Variants in AACS observed in about 807,000 individuals in gnomAD.
AACS encodes the protein acetoacetyl-CoA synthetase.
In AACS, 69 loss-of-function variants were observed where a neutral mutation model predicts 83.1. The ratio of observed to expected loss-of-function variants is 0.83; its 90% CI spans 0.68 to 1.01. The LOEUF is 1.01. AACS is among the 50% of genes least tolerant of loss of function. AACS has a pLI of 0.00. For synonymous variants in AACS, 333 were observed against 343.4 expected, an observed-to-expected ratio of 0.97 and a Z score of 0.33; for missense variants, 866 against 882.2, an observed-to-expected ratio of 0.98 and a Z score of 0.23.
chr12:125,085,324 A>C lies in AACS; in HGVS notation c.359-1006A>C, dbSNP rs1387472689. ...ATCCACGTCTGTTTCCTGGAACCACACACGTGCACATTGCATCCATGTCTA... is the reference window on the plus strand; with the variant it reads ...ATCCACGTCTGTTTCCTGGAACCACCCACGTGCACATTGCATCCATGTCTA... On this transcript the variant is annotated intron_variant, in intron 3 of 17. Coordinates refer to ENST00000316519, the MANE Select transcript of AACS (RefSeq NM_023928.5). Among the ~76,000 whole-genome samples, 6 of 152,082 alleles carry C rather than the reference A, an allele frequency of 3.9e-5. No individual in the cohort carries two copies. The East Asian group carries it at 9.7e-4, about 25-fold the overall frequency.
chr12:125,072,872 G>C (rs1391840494), intron 1 of AACS, among the ~76,000 whole-genome samples: 1 of 150,182 alleles, frequency 6.7e-6, no homozygotes, highest in African/African-American at 2.5e-5. Context: ...ATAAAAGTTA[G>C]ACTGTTGTGG....
intron 5 of AACS, among the ~76,000 whole-genome samples, chr12:125,093,468 C>T (rs1956534908): frequency 1.3e-5 from 2 of 152,250 alleles, no homozygotes; most frequent in Non-Finnish European, 2.9e-5. Context: ...CCGGCAGGAT[C>T]TGCCCATCCT....
At chr12:125,115,487 C>G (rs1417711775) in intron 9 of AACS, among the ~76,000 whole-genome samples, 1 of 152,144 alleles carries the variant, frequency 6.6e-6, no homozygotes, top group Non-Finnish European at 1.5e-5. Flanking sequence ...GTCTTGAACT[C>G]CTGACCTTGT....
Position 125,097,603 on chromosome 12 carries a change from C to T in AACS, c.571-5076C>T, listed in dbSNP as rs1191924920. On this transcript the variant is annotated intron_variant, in intron 5 of 17. Coordinates refer to ENST00000316519, the MANE Select transcript of AACS (RefSeq NM_023928.5). The surrounding 1 kb of genome is among the most constrained non-coding windows in gnomAD (Gnocchi z 4.3). ...GGTCTGCGCCTCCTCCCGTGCCTTC[C>T]GCAGTGGCCAAGGTGTTCAGCTGGA... Among the ~76,000 whole-genome samples, 3 of 152,224 alleles carry T rather than the reference C, an allele frequency of 2.0e-5. No individual in the cohort carries two copies. Among genetic ancestry groups the T allele is most frequent in the East Asian group, 1.9e-4 (1 of 5,178 alleles).
At chr12:125,136,953 G>C in intron 17 of AACS, 89 bp downstream of exon 17, 2 of 1,374,140 alleles carry the variant, frequency 1.5e-6, no homozygotes, top group Non-Finnish European at 2.0e-6. Context: ...GCAGCTTGCC[G>C]GTGCTTTATA....
chr12:125,117,310 A>G (rs2136114770), intron 9 of AACS, among the ~76,000 whole-genome samples: 1 of 151,770 alleles, frequency 6.6e-6, no homozygotes, highest in South Asian at 2.1e-4. Context: ...GCTACTTGGG[A>G]GGCTGGGGTG....
intron 1 of AACS, among the ~76,000 whole-genome samples, chr12:125,067,112 A>C (rs530216837): frequency 6.6e-6 from 1 of 152,276 alleles, no homozygotes; most frequent in South Asian, 2.1e-4. Context: ...TGTTGACCAC[A>C]AAATTGCAGA....
At chr12:125,088,135 C>G (rs1956381618) in intron 4 of AACS, among the ~76,000 whole-genome samples, 1 of 151,820 alleles carries the variant, frequency 6.6e-6, no homozygotes, top group African/African-American at 2.4e-5. Context: ...ACTGCTGTAT[C>G]TTCATAGAGA....
At chr12:125,066,807 C>T (rs1381527713) in intron 1 of AACS, among the ~76,000 whole-genome samples, 1 of 152,078 alleles carries the variant, frequency 6.6e-6, no homozygotes, top group African/African-American at 2.4e-5. Context: ...GGCGCAGGGA[C>T]TCCCTTGTTT....
intron 4 of AACS, among the ~76,000 whole-genome samples, chr12:125,090,447 A>T (rs559381780): frequency 6.6e-6 from 1 of 151,588 alleles, no homozygotes; most frequent in African/African-American, 2.4e-5. Context: ...TCCACCATCC[A>T]TCCAACTATC....
rs897746746 is a variant in AACS at position 125,097,936 on chromosome 12, C to T, written c.571-4743C>T. 2.6e-5 allele frequency among the ~76,000 whole-genome samples: 4 copies of T among 152,242 alleles called. No homozygotes were observed. The highest frequency in any genetic ancestry group is 4.4e-5 in the Non-Finnish European group (3 of 68,046). ...CGGTTCCTCGGTTCCTCTGTGACCC[C>T]GGCTAGGCACTGCCATCTCTCACGC... On this transcript the variant is annotated intron_variant, in intron 5 of 17. Coordinates refer to ENST00000316519, the MANE Select transcript of AACS (RefSeq NM_023928.5). The surrounding 1 kb of genome is among the most constrained non-coding windows in gnomAD (Gnocchi z 4.3).
intron 5 of AACS, among the ~76,000 whole-genome samples, chr12:125,091,809 G>A (rs1305822341): frequency 6.6e-6 from 1 of 152,228 alleles, no homozygotes; most frequent in African/African-American, 2.4e-5. Flanking sequence ...GTCGAGCCCT[G>A]TCTTCCTCAC....
chr12:125,109,585 C>T (rs922865867), intron 8 of AACS, among the ~76,000 whole-genome samples: 28 of 152,218 alleles, frequency 1.8e-4, no homozygotes, highest in African/African-American at 6.5e-4. Context: ...AGAACAGGAG[C>T]GTTCTCTTAC....
intron 3 of AACS, among the ~76,000 whole-genome samples, chr12:125,081,447 T>C (rs1217932069): frequency 6.6e-6 from 1 of 152,228 alleles, no homozygotes; most frequent in African/African-American, 2.4e-5. Flanking sequence ...TTTAAGATCA[T>C]TGTGCTTCGT....
Position 125,065,488 on chromosome 12 carries a change from G to T in AACS, c.-97G>T, listed in dbSNP as rs1399413238. ...CTGACCCAGCCCGCCAGGCGCTCCT[G>T]ACCGTCGCTTCCTCCGGTCCCAGGT... On this transcript the variant is annotated 5_prime_UTR_variant, in exon 1 of 18. Transcript: ENST00000316519. The T allele has an allele frequency of 2.3e-6, 3 of 1,297,066 alleles. No homozygotes were observed. The highest frequency in any genetic ancestry group is 3.0e-6 in the Non-Finnish European group (3 of 1,003,658). 80.3% of individuals were successfully genotyped at this position (1,297,066 alleles called of 1,614,324 possible).
chr12:125,101,146 C>A (rs60983647), intron 5 of AACS: 14,627 of 152,224 alleles, frequency 0.096, 1,152 homozygotes, highest in African/African-American at 0.21. Flanking sequence ...CACAGTGTAA[C>A]CTTGAGGATG....
rs1261482559 is a variant in AACS at position 125,142,368 on chromosome 12, TTC to T, written c.*143_*144del. 6 of 1,252,992 alleles carry T rather than the reference TTC, an allele frequency of 4.8e-6. No homozygotes were observed. The East Asian group carries it at 7.7e-5, about 16-fold the overall frequency. The allele number at this position is 1,252,992 out of a possible 1,614,324, so 77.6% of individuals were successfully genotyped here. A position where few individuals can be genotyped will look rare whatever the true frequency, so the allele number is the denominator to read the frequency against. The stretch of plus-strand genomic sequence containing the variant: ...TTCTGTAGGCTTGGGGAGGGATCGT[TTC>T]TCTGTTTTGTTAAATCTGGTGGGTA... On this transcript the variant is annotated 3_prime_UTR_variant, in exon 18 of 18. Coordinates refer to ENST00000316519, the MANE Select transcript of AACS (RefSeq NM_023928.5).
At position 125,107,121 on chromosome 12, in the gene AACS, T is replaced by C. The variant is rs771711554; in HGVS notation, c.768T>C (p.Ser256=). 72 of 1,613,928 alleles carry C rather than the reference T, an allele frequency of 4.5e-5. No individual in the cohort carries two copies. Among genetic ancestry groups the C allele is most frequent in the Non-Finnish European group, 5.6e-5 (66 of 1,180,018 alleles). Residue 256 remains serine, a splice_region_variant and synonymous_variant, in exon 8 of 18, where the codon AGT becomes AGC. Transcript: ENST00000316519. ...ENIDLSKIPN[S]VFLDDFLATG... ...TGTTTCCCTGCGTTTCGGCCCACAG[T>C]GTGTTTCTGGATGACTTTCTTGCCA...
rs71092274 is a variant in AACS at position 125,103,987 on chromosome 12, CAAAAAAAAAAAAAAAA to C, written c.767+923_767+938del. Among the ~76,000 whole-genome samples the C allele has an allele frequency of 4.0e-3, 163 of 41,228 alleles. 1 individual carries two copies. Among genetic ancestry groups the C allele is most frequent in the African/African-American group, 7.6e-3 (114 of 15,032 alleles). 27.0% of individuals were successfully genotyped at this position (41,228 alleles called of 152,430 possible). A position where few individuals can be genotyped will look rare whatever the true frequency, so the allele number is the denominator to read the frequency against. ...TGGGCAAAAAAGCGAAACTCCGTCT[CAAAAAAAAAAAAAAAA>C]AAAAAAAAAAAAAAAAGAATCTTCA... On this transcript the variant is annotated intron_variant, in intron 7 of 17. Coordinates refer to ENST00000316519, the MANE Select transcript of AACS (RefSeq NM_023928.5).
Sources: gnomAD v4.1 joint callset for allele counts (sites outside exome capture counted in the v4.1 genomes callset) on GRCh38, gnomAD v4.1.1 for gene constraint, Gnocchi (gnomAD v3.1) non-coding constraint, MANE v1.5 for transcripts, NCBI Gene and HGNC (gene_info 2026-07-23, HGNC 2026-07-21) for gene names.